MUC17: variants seen among roughly 807,000 people sequenced by gnomAD.
The protein encoded by MUC17 is mucin-17.
Under a neutral mutation model 170.3 loss-of-function variants are expected in MUC17, and 190 were observed. The observed-to-expected ratio is 1.12, with a 90% CI of 0.99 to 1.26. MUC17 has a LOEUF of 1.26. Ranked by LOEUF, MUC17 falls within the 50% of genes most tolerant of loss-of-function variation. MUC17 has a pLI of 0.00. For synonymous variants in MUC17, 2,325 were observed against 2,002.5 expected (o/e 1.16, Z -4.30); for missense variants, 6,415 against 5,530.0 (o/e 1.16, Z -5.08).
chr7:101,036,602 C>G lies in MUC17; in HGVS notation c.5186C>G (p.Ser1729Ter). Residue 1729 changes from serine to a stop codon, truncating the protein, a stop_gained, in exon 3 of 13, where the codon TCA becomes TGA. Transcript: ENST00000306151. LOFTEE classifies it high-confidence loss of function. ...GTGACCACTTCTACTGAAGCCCGTT[C>G]ATCTCCTACAACTTCTGAAGGTACC... ...TPVTTSTEARSSPTTSEGTSM... is the reference protein window; with the variant it reads ...TPVTTSTEAR The G allele has an allele frequency of 5.0e-6, 8 of 1,613,252 alleles. No individual in the cohort carries two copies. The highest frequency in any genetic ancestry group is 6.8e-6 in the Non-Finnish European group (8 of 1,179,586).
chr7:101,041,393 A>G lies in MUC17; in HGVS notation c.9977A>G (p.Asp3326Gly). Residue 3326 changes from aspartate to glycine, a missense_variant, in exon 3 of 13, where the codon GAC becomes GGC. Asp to Gly is a moderately conservative substitution (Grantham distance 94). Transcript: ENST00000306151. ...SQASSSPPIADGTSMPTSTYS... is the reference protein window; with the variant it reads ...SQASSSPPIAGGTSMPTSTYS... ...GCCAGTTCATCTCCTCCAATTGCTG[A>G]CGGTACTAGCATGCCAACCTCAACT... 1 of 1,613,634 alleles carries G rather than the reference A, an allele frequency of 6.2e-7. No individual in the cohort carries two copies. The highest frequency in any genetic ancestry group is 1.3e-5 in the African/African-American group (1 of 74,922).
intron 3 of MUC17, among the ~76,000 whole-genome samples, chr7:101,047,280 A>G (rs1794859021): frequency 1.3e-5 from 2 of 151,968 alleles, no homozygotes; most frequent in Non-Finnish European, 1.5e-5. Flanking sequence ...TGGAATCTAG[A>G]CTGTTCAAGT....
rs892291958 is a variant in MUC17, at chr7:101,037,416, T to C, written c.6000T>C (p.Ser2000=). ...MPLSTTLVVS[S]EASTLSTTPV... The stretch of plus-strand genomic sequence containing the variant: ...TCAGCACCACGCTGGTGGTCAGTTC[T>C]GAGGCTAGCACTCTTTCCACAACTC... The change falls in exon 3 of 13, where the codon TCT becomes TCC. Residue 2000 remains serine (S), a synonymous_variant. Coordinates refer to ENST00000306151, the MANE Select transcript of MUC17 (RefSeq NM_001040105.2). 1 of 1,612,466 alleles carries C rather than the reference T, an allele frequency of 6.2e-7. No individual in the cohort carries two copies. The highest frequency in any genetic ancestry group is 1.3e-5 in the African/African-American group (1 of 74,990).
intron 5 of MUC17, 143 bp downstream of exon 5, chr7:101,049,115 GC>G: frequency 7.0e-7 from 1 of 1,436,582 alleles, no homozygotes; most frequent in Non-Finnish European, 9.6e-7. Flanking sequence ...GCTTGCCAGT[GC>G]AGGAGGGAAG....
At position 101,041,267 on chromosome 7, in the gene MUC17, C is replaced by A. The variant is rs147208392; in HGVS notation, c.9851C>A (p.Thr3284Lys). The A allele has an allele frequency of 3.7e-6, 6 of 1,611,554 alleles. No homozygotes were observed. Among genetic ancestry groups the A allele is most frequent in the East Asian group, 2.2e-5 (1 of 44,810 alleles). ...CCTAGTGAAGGAAGCACTCCATTAA[C>A]AAGTATGCCTGTCAGCACCACAACG... ...STPSEGSTPL[T>K]SMPVSTTTVA... is the part of the protein sequence containing the mutation. Residue 3284 changes from threonine to lysine, a missense_variant, in exon 3 of 13, where the codon ACA (threonine) becomes AAA (lysine). Transcript: ENST00000306151.
chr7:101,022,315 C>T lies in MUC17; in HGVS notation c.82+2098C>T, dbSNP rs144040758. Among the ~76,000 whole-genome samples, 614 of 152,232 alleles carry T rather than the reference C, an allele frequency of 4.0e-3. 4 individuals carry two copies. The highest frequency in any genetic ancestry group is 0.014 in the African/African-American group (589 of 41,538). ...CCGAGTAGCTGGGATTACGGATGCA[C>T]GCTACTGTACCCAGCTAATTTGTGT... is the stretch of plus-strand genomic sequence containing the variant. On this transcript the variant is annotated intron_variant, in intron 1 of 12. Transcript: ENST00000306151.
At position 101,033,048 on chromosome 7, in the gene MUC17, T is replaced by C; in HGVS notation, c.1632T>C (p.Thr544=). ...TPVDTSTPVT[T]SSEASSSSTT... ...TTGACACCAGCACACCTGTGACCAC[T>C]TCTAGTGAAGCCAGTTCATCTTCTA... The change falls in exon 3 of 13, where the codon ACT becomes ACC. Residue 544 remains threonine, a synonymous_variant. Coordinates refer to ENST00000306151, the MANE Select transcript of MUC17 (RefSeq NM_001040105.2). 2 of 1,613,192 alleles carry C rather than the reference T, an allele frequency of 1.2e-6. No homozygotes were observed. Among genetic ancestry groups the C allele is most frequent in the South Asian group, 1.1e-5 (1 of 91,032 alleles).
Position 101,031,652 on chromosome 7 carries a change from C to G in MUC17, c.236C>G (p.Pro79Arg). The G allele has an allele frequency of 6.4e-7, 1 of 1,571,884 alleles. No individual in the cohort carries two copies. The highest frequency in any genetic ancestry group is 8.6e-7 in the Non-Finnish European group (1 of 1,158,576). ...TGTTSTNVVE[P>R]RMYLSCSTNP... Reference sequence around the variant, plus strand: ...ACAACATCTACAAATGTCGTGGAGCCAAGAATGTATTTGAGTTGCAGCACC... The same window carrying G: ...ACAACATCTACAAATGTCGTGGAGCGAAGAATGTATTTGAGTTGCAGCACC... The change falls in exon 3 of 13, where the codon CCA becomes CGA. Residue 79 changes from proline to arginine, a missense_variant. Pro to Arg is a moderately radical substitution (Grantham distance 103). Transcript: ENST00000306151.
At chr7:101,025,492 G>A (rs1242562561) in intron 1 of MUC17, among the ~76,000 whole-genome samples, 1 of 151,628 alleles carries the variant, frequency 6.6e-6, no homozygotes, top group African/African-American at 2.4e-5. Flanking sequence ...GTGAAAATCT[G>A]TCTCTACAAA....
At position 101,042,740 on chromosome 7, in the gene MUC17, C is replaced by T. The variant is rs775032357; in HGVS notation, c.11324C>T (p.Ser3775Phe). 2.5e-6 allele frequency: 4 copies of T among 1,613,974 alleles called. No homozygotes were observed. The highest frequency in any genetic ancestry group is 3.4e-6 in the Non-Finnish European group (4 of 1,180,026). Residue 3775 changes from serine to phenylalanine, a missense_variant, in exon 3 of 13, where the codon TCC (serine) becomes TTC (phenylalanine). Coordinates refer to ENST00000306151, the MANE Select transcript of MUC17 (RefSeq NM_001040105.2). Reference protein sequence around the residue: ...VTRFPESSTPSIPSVYTSMSM... With the variant: ...VTRFPESSTPFIPSVYTSMSM... ...AGGTTTCCTGAGAGTAGCACCCCTTCCATACCATCTGTTTACACCAGCATG... is the reference window on the plus strand; with the variant it reads ...AGGTTTCCTGAGAGTAGCACCCCTTTCATACCATCTGTTTACACCAGCATG...
Position 101,032,150 on chromosome 7 carries a change from C to T in MUC17, c.734C>T (p.Thr245Ile). The T allele has an allele frequency of 6.2e-7, 1 of 1,613,796 alleles. No individual in the cohort carries two copies. Among genetic ancestry groups the T allele is most frequent in the Non-Finnish European group, 8.5e-7 (1 of 1,179,972 alleles). Residue 245 changes from threonine to isoleucine, a missense_variant, in exon 3 of 13, where the codon ACA becomes ATA. By Grantham distance (89) the Thr-to-Ile change is moderately conservative. Transcript: ENST00000306151. The stretch of plus-strand genomic sequence containing the variant: ...TTGACAACTCCTGTTGAAATCAGCA[C>T]ACCTGTGACCATTTCTGCTCAAGCC... ...TLLTTPVEIS[T>I]PVTISAQASS...
chr7:101,037,360 G>C lies in MUC17; in HGVS notation c.5944G>C (p.Glu1982Gln). 6.2e-7 allele frequency: 1 copy of C among 1,614,072 alleles called. No individual in the cohort carries two copies. Among genetic ancestry groups the C allele is most frequent in the Non-Finnish European group, 8.5e-7 (1 of 1,179,980 alleles). The change falls in exon 3 of 13, where the codon GAA (glutamate) becomes CAA (glutamine). Residue 1982 changes from glutamate to glutamine, a missense_variant. Coordinates refer to ENST00000306151, the MANE Select transcript of MUC17 (RefSeq NM_001040105.2). ...CAGCATGCCAACCCCAGCTTATAGT[G>C]AAGGAAGCACTCCACTAACAAGTAT... is the stretch of plus-strand genomic sequence containing the variant. ...GTSMPTPAYS[E>Q]GSTPLTSMPL...
rs1228075398 is a variant in MUC17 at position 101,035,343 on chromosome 7, G to A, written c.3927G>A (p.Val1309=). 1 of 1,610,522 alleles carries A rather than the reference G, an allele frequency of 6.2e-7. No individual in the cohort carries two copies. The highest frequency in any genetic ancestry group is 8.5e-7 in the Non-Finnish European group (1 of 1,178,098). Residue 1309 remains valine, a synonymous_variant, in exon 3 of 13, where the codon GTG becomes GTA. Coordinates refer to ENST00000306151, the MANE Select transcript of MUC17 (RefSeq NM_001040105.2). ...CTCCTGTTGACACTAAAGGTCCTGTGGTCACTTCTAATGAAGTCAGTTCAT... is the reference window on the plus strand; with the variant it reads ...CTCCTGTTGACACTAAAGGTCCTGTAGTCACTTCTAATGAAGTCAGTTCAT... ...LTTPVDTKGP[V]VTSNEVSSSP...
At chr7:101,056,304 C>T in intron 12 of MUC17, 34 bp downstream of exon 12, 2 of 1,610,866 alleles carry the variant, frequency 1.2e-6, no homozygotes, top group Non-Finnish European at 1.7e-6. Flanking sequence ...CTGGCCTCCC[C>T]CAACCCTGCG....
chr7:101,037,071 C>T lies in MUC17; in HGVS notation c.5655C>T (p.Asn1885=), dbSNP rs757322867. 1.3e-6 allele frequency: 2 copies of T among 1,582,992 alleles called. No homozygotes were observed. Among genetic ancestry groups the T allele is most frequent in the Admixed American group, 3.4e-5 (2 of 58,158 alleles). Reference sequence around the variant, plus strand: ...CAACAGTGGCCAGTTCTGAAACCAACACCCTTTCAACAACTCCCGCTGTCA... The same window carrying T: ...CAACAGTGGCCAGTTCTGAAACCAATACCCTTTCAACAACTCCCGCTGTCA... The part of the protein sequence containing the change: ...STTTVASSET[N]TLSTTPAVTS... The change falls in exon 3 of 13, where the codon AAC becomes AAT. Residue 1885 remains asparagine (N), a synonymous_variant. Transcript: ENST00000306151.
chr7:101,040,113 T>G lies in MUC17; in HGVS notation c.8697T>G (p.Pro2899=). ...LSTTPVDTSI[P]VTTSTEGSSS... ...CAACTCCTGTTGATACCAGCATACCTGTCACCACTTCTACTGAAGGCAGTT... is the reference window on the plus strand; with the variant it reads ...CAACTCCTGTTGATACCAGCATACCGGTCACCACTTCTACTGAAGGCAGTT... The change falls in exon 3 of 13, where the codon CCT becomes CCG. Residue 2899 remains proline (P), a synonymous_variant. Coordinates refer to ENST00000306151, the MANE Select transcript of MUC17 (RefSeq NM_001040105.2). The G allele has an allele frequency of 6.2e-7, 1 of 1,612,794 alleles. No individual in the cohort carries two copies. The highest frequency in any genetic ancestry group is 8.5e-7 in the Non-Finnish European group (1 of 1,179,484).
Position 101,043,323 on chromosome 7 carries a change from TGAACTAAACACACCATCAACCTCCA to T in MUC17, c.11909_11933del (p.Glu3970ValfsTer19). ...TATCTACCCCTGTGATAACTTCCAC[TGAACTAAACACACCATCAACCTCCA>T]GTAGTAGTACCACCACATCTTTTTC... is the stretch of plus-strand genomic sequence containing the variant. On this transcript the variant is annotated frameshift_variant, in exon 3 of 13. Transcript: ENST00000306151. LOFTEE classifies it high-confidence loss of function. The T allele has an allele frequency of 6.2e-7, 1 of 1,614,178 alleles. No homozygotes were observed. Among genetic ancestry groups the T allele is most frequent in the Non-Finnish European group, 8.5e-7 (1 of 1,180,036 alleles).
rs748163643 is a variant in MUC17, at chr7:101,042,190, G to T, written c.10774G>T (p.Glu3592Ter). Residue 3592 changes from glutamate (E) to a stop codon, truncating the protein, a stop_gained, in exon 3 of 13, where the codon GAG becomes TAG. Transcript: ENST00000306151. LOFTEE classifies it high-confidence loss of function. ...LLSSTYVTSS[E>*]ASTPSTPSVD... Reference sequence around the variant, plus strand: ...CAGCAGCACATATGTGACCAGTTCTGAGGCTAGCACACCTTCCACTCCTTC... The same window carrying T: ...CAGCAGCACATATGTGACCAGTTCTTAGGCTAGCACACCTTCCACTCCTTC... The T allele has an allele frequency of 6.2e-7, 1 of 1,614,150 alleles. No homozygotes were observed. The highest frequency in any genetic ancestry group is 8.5e-7 in the Non-Finnish European group (1 of 1,180,026).
chr7:101,034,054 T>C lies in MUC17; in HGVS notation c.2638T>C (p.Ser880Pro). Residue 880 changes from serine (S) to proline (P), a missense_variant, in exon 3 of 13, where the codon TCT (serine) becomes CCT (proline). Coordinates refer to ENST00000306151, the MANE Select transcript of MUC17 (RefSeq NM_001040105.2). Reference protein sequence around the residue: ...MPVSTTLVATSAISTLSTTPV... With the variant: ...MPVSTTLVATPAISTLSTTPV... ...TGTCAGCACCACACTGGTGGCCACT[T>C]CTGCAATCAGCACCCTTTCAACAAC... 6.2e-7 allele frequency: 1 copy of C among 1,601,518 alleles called. No homozygotes were observed. The highest frequency in any genetic ancestry group is 1.1e-5 in the South Asian group (1 of 89,410).
Sources: allele counts gnomAD v4.1 joint callset (sites outside exome capture counted in the v4.1 genomes callset), GRCh38; gene constraint gnomAD v4.1.1; transcripts MANE v1.5; gene names NCBI Gene and HGNC (gene_info 2026-07-23, HGNC 2026-07-21).